The following RBFOX1 variants were observed in gnomAD, a reference collection of about 807,000 sequenced individuals.
RBFOX1 encodes the protein RNA binding fox-1 homolog 1.
RBFOX1 carries 8 observed loss-of-function variants against 57.7 expected under a neutral mutation model. The ratio of observed to expected loss-of-function variants is 0.14; its 90% CI spans 0.08 to 0.25. RBFOX1 has a LOEUF of 0.25. Ranked by LOEUF, RBFOX1 falls within the 10% of genes least tolerant of loss-of-function variation. The pLI is 1.00. For synonymous variants in RBFOX1, 326 were observed against 222.4 expected, an observed-to-expected ratio of 1.47 and a Z score of -4.15; for missense variants, 611 against 548.5, an observed-to-expected ratio of 1.11 and a Z score of -1.14.
intron 2 of RBFOX1, among the ~76,000 whole-genome samples, chr16:6,481,549 T>C (rs570549686): frequency 6.6e-6 from 1 of 152,342 alleles, no homozygotes; most frequent in African/African-American, 2.4e-5. Context: ...CCACTGGGCA[T>C]GCCAGTGTGT....
intron 1 of RBFOX1, among the ~76,000 whole-genome samples, chr16:5,267,683 C>T (rs181378279): frequency 2.0e-5 from 3 of 152,306 alleles, no homozygotes; most frequent in African/African-American, 7.2e-5. Context: ...TGCACAATTT[C>T]TGGAATCTTC....
intron 4 of RBFOX1, among the ~76,000 whole-genome samples, chr16:5,873,972 G>A (rs183581273): frequency 1.2e-4 from 19 of 152,168 alleles, no homozygotes; most frequent in Admixed American, 1.2e-3. Flanking sequence ...AGTAAGTGTG[G>A]AAACAGTGAA....
At chr16:5,679,354 A>C (rs1383740957) in intron 3 of RBFOX1, among the ~76,000 whole-genome samples, 1 of 150,530 alleles carries the variant, frequency 6.6e-6, no homozygotes, top group Non-Finnish European at 1.5e-5. Flanking sequence ...TTTAAAAAAC[A>C]ATTTAAGTTC....
At chr16:5,900,354 C>A (rs753110761) in intron 4 of RBFOX1, among the ~76,000 whole-genome samples, 1 of 151,940 alleles carries the variant, frequency 6.6e-6, no homozygotes, top group African/African-American at 2.4e-5. Flanking sequence ...GAGAGAATAG[C>A]GTGTGTTTTC....
At chr16:7,648,657 T>C (rs959885979) in intron 11 of RBFOX1, among the ~76,000 whole-genome samples, 1 of 152,208 alleles carries the variant, frequency 6.6e-6, no homozygotes, top group African/African-American at 2.4e-5. Context: ...GGACTGTTGT[T>C]GCTGGGTTGT....
intron 4 of RBFOX1, among the ~76,000 whole-genome samples, chr16:7,149,611 G>T (rs1052766196): frequency 6.6e-6 from 1 of 150,948 alleles, no homozygotes; most frequent in Non-Finnish European, 1.5e-5. Flanking sequence ...CCAGCCTCCT[G>T]AGTAGCTGGG....
At chr16:6,289,013 C>T (rs1043618398) in intron 1 of RBFOX1, among the ~76,000 whole-genome samples, 2 of 152,050 alleles carry the variant, frequency 1.3e-5, no homozygotes, top group African/African-American at 4.8e-5. Context: ...GAGTGTGTCT[C>T]CAGAATCTGA....
intron 2 of RBFOX1, among the ~76,000 whole-genome samples, chr16:5,520,054 G>A (rs747217874): frequency 1.3e-5 from 2 of 152,200 alleles, no homozygotes; most frequent in Admixed American, 6.5e-5. Context: ...CAGGATGTGC[G>A]ATGAAGCAGA....
At chr16:6,393,762 A>T (rs1315406790) in intron 2 of RBFOX1, among the ~76,000 whole-genome samples, 1 of 152,116 alleles carries the variant, frequency 6.6e-6, no homozygotes, top group East Asian at 1.9e-4. Context: ...TTACCTCATC[A>T]TGTTATGTTA....
At chr16:6,056,477 C>A (rs1314013349) in intron 1 of RBFOX1, among the ~76,000 whole-genome samples, 5 of 152,076 alleles carry the variant, frequency 3.3e-5, no homozygotes, top group African/African-American at 1.2e-4. Flanking sequence ...AATACTGGAT[C>A]TTTATCAAGG....
At chr16:5,714,473 A>G (rs2151515732) in intron 3 of RBFOX1, among the ~76,000 whole-genome samples, 1 of 152,322 alleles carries the variant, frequency 6.6e-6, no homozygotes, top group African/African-American at 2.4e-5. Flanking sequence ...GCTGGCCAGC[A>G]TCAGACATGT....
At chr16:6,922,448 C>T (rs762858055) in intron 3 of RBFOX1, among the ~76,000 whole-genome samples, 23 of 152,264 alleles carry the variant, frequency 1.5e-4, no homozygotes, top group Admixed American at 6.5e-4. Context: ...GGCTGTCTTG[C>T]CTCTTCCTGA....
At chr16:7,363,100 G>A in intron 4 of RBFOX1, among the ~76,000 whole-genome samples, 1 of 152,132 alleles carries the variant, frequency 6.6e-6, no homozygotes, top group Non-Finnish European at 1.5e-5. Context: ...TGATGGTGGT[G>A]GATACTGCTG....
intron 3 of RBFOX1, among the ~76,000 whole-genome samples, chr16:6,902,322 G>A (rs548415361): frequency 3.9e-5 from 6 of 152,226 alleles, no homozygotes; most frequent in Non-Finnish European, 8.8e-5. Context: ...TACTTGATAT[G>A]GGTTTCATGG....
In RBFOX1 at chr16:5,763,240, C is replaced by T. The variant is rs1021516367; in HGVS notation, c.319-104063C>T. Among the ~76,000 whole-genome samples, 8 of 152,340 alleles carry T rather than the reference C, an allele frequency of 5.3e-5. No homozygotes were observed. In the East Asian group the frequency reaches 1.2e-3, roughly 22 times the overall value. ...GCTTTTTCAATTGCAGATCCACACT[C>T]GGATCAGAAGGAGGCTTGGTTTGGC... is the stretch of plus-strand genomic sequence containing the variant. On this transcript the variant is annotated intron_variant, in intron 3 of 19. Coordinates refer to the RBFOX1 transcript ENST00000641259.
chr16:6,411,244 A>C (rs559563916), intron 2 of RBFOX1, among the ~76,000 whole-genome samples: 3 of 152,296 alleles, frequency 2.0e-5, no homozygotes, highest in East Asian at 1.9e-4. Flanking sequence ...GACCTCCCAA[A>C]GCATTGGCAT....
At chr16:5,792,494 A>G (rs985686251) in intron 3 of RBFOX1, among the ~76,000 whole-genome samples, 1 of 152,230 alleles carries the variant, frequency 6.6e-6, no homozygotes, top group Non-Finnish European at 1.5e-5. Context: ...TCTATGTAAT[A>G]TATACTGTAT....
chr16:5,303,895 T>C (rs1194954606), intron 1 of RBFOX1, among the ~76,000 whole-genome samples: 2 of 152,172 alleles, frequency 1.3e-5, no homozygotes, highest in Non-Finnish European at 2.9e-5. Context: ...ACACCCTGCA[T>C]ATCAGCCTTT....
intron 4 of RBFOX1, among the ~76,000 whole-genome samples, chr16:5,905,909 C>T (rs977046209): frequency 5.9e-5 from 9 of 152,238 alleles, no homozygotes; most frequent in African/African-American, 1.7e-4. Context: ...TTTTTCCCGA[C>T]GATGGAGGAT....
Sources: gnomAD v4.1 joint callset for allele counts (sites outside exome capture counted in the v4.1 genomes callset) on GRCh38, gnomAD v4.1.1 for gene constraint, MANE v1.5 for transcripts, NCBI Gene and HGNC (gene_info 2026-07-23, HGNC 2026-07-21) for gene names.